The following TDRD12 variants were observed in gnomAD, a reference collection of about 807,000 sequenced individuals.
The protein encoded by TDRD12 is putative ATP-dependent RNA helicase TDRD12.
In TDRD12, 158 loss-of-function variants were observed where a neutral mutation model predicts 133.5. The ratio of observed to expected loss-of-function variants is 1.18; its 90% confidence interval spans 1.04 to 1.35. The LOEUF (loss-of-function observed/expected upper bound fraction) is 1.35, where lower values mean the gene tolerates loss of function less well. Ranked by LOEUF, TDRD12 falls within the 40% of genes most tolerant of loss-of-function variation. The pLI, the probability that TDRD12 is intolerant of heterozygous loss-of-function variation, is 0.00. For synonymous variants in TDRD12, 460 were observed against 477.9 expected, an observed-to-expected ratio of 0.96 and a Z score of 0.49; for missense variants, 1,443 against 1,321.3, an observed-to-expected ratio of 1.09 and a Z score of -1.43.
At chr19:32,795,977 TC>T (rs1568483207) in intron 14 of TDRD12, among the ~76,000 whole-genome samples, 1 of 152,016 alleles carries the variant, frequency 6.6e-6, no homozygotes, top group African/African-American at 2.4e-5. Flanking sequence ...AGCCCCCACC[TC>T]CAACACTGGG....
At chr19:32,765,855 A>T (rs1970282824) in intron 8 of TDRD12, among the ~76,000 whole-genome samples, 1 of 151,804 alleles carries the variant, frequency 6.6e-6, no homozygotes, top group South Asian at 2.1e-4. Context: ...AAACCTGCAC[A>T]TTGTGCACAT....
intron 5 of TDRD12, among the ~76,000 whole-genome samples, chr19:32,748,978 T>TA (rs2145513014): frequency 6.6e-6 from 1 of 152,352 alleles, no homozygotes; most frequent in African/African-American, 2.4e-5. Flanking sequence ...CTTTTTATTT[T>TA]ATATCAGTGA....
At chr19:32,748,113 CTG>C (rs1969708899) in intron 4 of TDRD12, among the ~76,000 whole-genome samples, 1 of 152,152 alleles carries the variant, frequency 6.6e-6, no homozygotes, top group African/African-American at 2.4e-5. Flanking sequence ...CTGTGCCAGA[CTG>C]TGTTAGACAC....
At chr19:32,758,361 G>T (rs186113975) in intron 8 of TDRD12, among the ~76,000 whole-genome samples, 3 of 152,214 alleles carry the variant, frequency 2.0e-5, no homozygotes, top group South Asian at 4.1e-4. Flanking sequence ...ACTCAAAGGT[G>T]GGTATAGCAG....
chr19:32,734,154 CA>C (rs1457675601), intron 2 of TDRD12, among the ~76,000 whole-genome samples: 3 of 152,190 alleles, frequency 2.0e-5, no homozygotes, highest in Non-Finnish European at 2.9e-5. Flanking sequence ...CTCAGCCTCC[CA>C]AAGTGCTGGG....
chr19:32,790,767 TG>T, intron 12 of TDRD12, 176 bp downstream of exon 12: 3 of 1,510,964 alleles, frequency 2.0e-6, no homozygotes, highest in Non-Finnish European at 2.7e-6. Context: ...TCTGAGAAAT[TG>T]TTCCTTGTTT....
chr19:32,804,939 C>G (rs979114967), intron 21 of TDRD12, among the ~76,000 whole-genome samples: 5 of 151,382 alleles, frequency 3.3e-5, no homozygotes, highest in African/African-American at 4.9e-5. Context: ...AAGGCATTCT[C>G]CTATATTTCT....
intron 1 of TDRD12, among the ~76,000 whole-genome samples, chr19:32,727,897 A>G (rs903107621): frequency 1.3e-5 from 2 of 152,114 alleles, no homozygotes; most frequent in Non-Finnish European, 2.9e-5. Flanking sequence ...CGAACTCCTG[A>G]CCTCAGGTGA....
Position 32,739,593 on chromosome 19 carries a change from C to CTGCTGTCTGCATCTCCTGGG in TDRD12, c.320+626_320+645dup, listed in dbSNP as rs1266069309. 1.3e-4 allele frequency among the ~76,000 whole-genome samples: 17 copies of CTGCTGTCTGCATCTCCTGGG among 135,458 alleles called. No homozygotes were observed. The South Asian group carries it at 3.9e-3, about 31-fold the overall frequency. 88.9% of individuals were successfully genotyped at this position (135,458 alleles called of 152,430 possible). A position where few individuals can be genotyped will look rare whatever the true frequency, so the allele number is the denominator to read the frequency against. Reference sequence around the variant, plus strand: ...CCTGGCTGCTGTCTGCATCTCCTGGCTGCTGTCTGCATCTCCTGGGTGCTG... The same window carrying CTGCTGTCTGCATCTCCTGGG: ...CCTGGCTGCTGTCTGCATCTCCTGGCTGCTGTCTGCATCTCCTGGGTGCTGTCTGCATCTCCTGGGTGCTG... On this transcript the variant is annotated intron_variant, in intron 3 of 27. Transcript: ENST00000444215.
intron 8 of TDRD12, among the ~76,000 whole-genome samples, chr19:32,772,315 G>A (rs1461507060): frequency 2.0e-5 from 3 of 152,118 alleles, no homozygotes; most frequent in South Asian, 2.1e-4. Flanking sequence ...TGGCCTTTTC[G>A]TAATGTCACT....
intron 21 of TDRD12, among the ~76,000 whole-genome samples, chr19:32,804,564 G>A (rs554193970): frequency 3.2e-4 from 48 of 151,596 alleles, no homozygotes; most frequent in Middle Eastern, 3.4e-3. Context: ...GTGGTGGTGC[G>A]TGCCTGGAGT....
exon 26 of TDRD12, chr19:32,815,503 G>A (rs1967147743): frequency 1.3e-6 from 2 of 1,536,364 alleles, no homozygotes; most frequent in Non-Finnish European, 8.7e-7. Context: ...TATAATGTTC[G>A]AGCTGAAATT....
chr19:32,795,219 G>C (rs1223150045), intron 14 of TDRD12, among the ~76,000 whole-genome samples: 1 of 151,854 alleles, frequency 6.6e-6, no homozygotes, highest in East Asian at 1.9e-4. Context: ...TGTAATCCCA[G>C]CTACTTGGGA....
chr19:32,781,335 C>A (rs1191673239), intron 11 of TDRD12, among the ~76,000 whole-genome samples: 2 of 152,208 alleles, frequency 1.3e-5, no homozygotes, highest in Non-Finnish European at 2.9e-5. Flanking sequence ...TCCCTCCAGA[C>A]CCTTTCTGCC....
chr19:32,812,726 G>C (rs1025317637), intron 24 of TDRD12, among the ~76,000 whole-genome samples: 3 of 152,250 alleles, frequency 2.0e-5, no homozygotes, highest in Admixed American at 6.5e-5. Flanking sequence ...TGGGAATGGA[G>C]AAAGGTTCTC....
intron 6 of TDRD12, among the ~76,000 whole-genome samples, chr19:32,750,170 C>T (rs961186723): frequency 6.6e-5 from 10 of 152,104 alleles, no homozygotes; most frequent in African/African-American, 1.9e-4. Flanking sequence ...TTTGCTGTAG[C>T]GTTAGTTCAC....
chr19:32,733,726 GCT>G (rs1171993159), intron 2 of TDRD12, among the ~76,000 whole-genome samples: 2 of 152,056 alleles, frequency 1.3e-5, no homozygotes, highest in East Asian at 3.9e-4. Flanking sequence ...GCCTGAATCA[GCT>G]CTTTTATTCA....
chr19:32,731,819 A>G, exon 2 of TDRD12: 1 of 1,551,554 alleles, frequency 6.4e-7, no homozygotes. Context: ...AGTGCCATGA[A>G]TGACTTCTAC....
At chr19:32,751,661 C>T (rs752317177) in intron 6 of TDRD12, among the ~76,000 whole-genome samples, 1 of 151,686 alleles carries the variant, frequency 6.6e-6, no homozygotes, top group Non-Finnish European at 1.5e-5. Flanking sequence ...CTTGCTGCAG[C>T]CTCAACCTCC....
Sources: gnomAD v4.1 joint callset for allele counts (sites outside exome capture counted in the v4.1 genomes callset) on GRCh38, gnomAD v4.1.1 for gene constraint, MANE v1.5 for transcripts, NCBI Gene and HGNC (gene_info 2026-07-23, HGNC 2026-07-21) for gene names.